DMD: variants seen among roughly 807,000 people sequenced by gnomAD.
DMD encodes mutant dystrophin.
In DMD, 63 loss-of-function variants were observed where a neutral mutation model predicts 330.1. The observed-to-expected ratio is 0.19, with a 90% CI of 0.16 to 0.24. The LOEUF is 0.24. Ranked by LOEUF, DMD falls within the 10% of genes least tolerant of loss-of-function variation. The probability of loss-of-function intolerance (pLI) is 1.00; values close to 1 mark genes in which losing one functional copy is unlikely to be tolerated. For synonymous variants in DMD, 1,223 were observed against 959.8 expected, an observed-to-expected ratio of 1.27 and a Z score of -5.07; for missense variants, 3,344 against 2,684.1, an observed-to-expected ratio of 1.25 and a Z score of -5.43.
intron 44 of DMD, among the ~76,000 whole-genome samples, chrX:32,207,334 C>A (rs1042131926): frequency 1.3e-4 from 15 of 111,231 alleles, no homozygotes; most frequent in Non-Finnish European, 2.1e-4. Context: ...GCCCTCTAAT[C>A]GTCCATCATG....
chrX:31,913,709 G>C (rs894975766), intron 47 of DMD, among the ~76,000 whole-genome samples: 13 of 107,837 alleles, frequency 1.2e-4, no homozygotes, highest in African/African-American at 4.5e-4. Flanking sequence ...CATTCCAGAG[G>C]AAGATTTTGA....
chrX:32,531,007 C>T (rs967737978), intron 17 of DMD, among the ~76,000 whole-genome samples: 1 of 111,725 alleles, frequency 9.0e-6, no homozygotes, highest in Non-Finnish European at 1.9e-5. Context: ...CACTAGAGGG[C>T]GCACATTCCC....
chrX:32,388,554 T>A lies in DMD; in HGVS notation c.4518+947A>T, dbSNP rs781697638. Among the ~76,000 whole-genome samples, 5 of 110,038 alleles carry A rather than the reference T, an allele frequency of 4.5e-5. No homozygotes were observed. In the East Asian group the frequency reaches 1.4e-3, roughly 31 times the overall value. ...ATACCTCATATTTTTCACACATAAA[T>A]ATATGTATTTATTTTAAGATATTTG... On this transcript the variant is annotated intron_variant, in intron 32 of 78. Coordinates refer to ENST00000357033, the MANE Select transcript of DMD (RefSeq NM_004006.3).
intron 12 of DMD, among the ~76,000 whole-genome samples, chrX:32,597,987 T>A (rs1602019440): frequency 8.9e-6 from 1 of 112,287 alleles, no homozygotes. Context: ...ACAACAGTGC[T>A]TAGCACCTAT....
chrX:32,804,325 G>A (rs2076799558), intron 7 of DMD, among the ~76,000 whole-genome samples: 1 of 112,067 alleles, frequency 8.9e-6, no homozygotes, highest in African/African-American at 3.2e-5. Context: ...TTGAGTAGGC[G>A]GTTTTCCCTC....
intron 1 of DMD, among the ~76,000 whole-genome samples, chrX:33,082,127 G>A (rs896920626): frequency 2.7e-5 from 3 of 111,238 alleles, no homozygotes; most frequent in African/African-American, 9.8e-5. Context: ...TCAGTCGGCT[G>A]AGAAGAAAAA....
intron 2 of DMD, among the ~76,000 whole-genome samples, chrX:32,948,145 CA>C (rs2090953228): frequency 9.1e-6 from 1 of 110,092 alleles, no homozygotes; most frequent in South Asian, 3.9e-4. Flanking sequence ...CACACACACA[CA>C]CACCAGGGAC....
intron 41 of DMD, among the ~76,000 whole-genome samples, chrX:32,327,651 T>C (rs1423500453): frequency 9.0e-6 from 1 of 111,432 alleles, no homozygotes; most frequent in Non-Finnish European, 1.9e-5. Flanking sequence ...ATCCAGATAG[T>C]TTCTCCTAAA....
rs150462744 is a variant in DMD, at chrX:31,209,670, C to T, written c.9391G>A (p.Asp3131Asn). The change falls in exon 65 of 79, where the codon GAT (aspartate) becomes AAT (asparagine). Residue 3131 changes from aspartate to asparagine, a missense_variant. Physicochemically the swap from Asp to Asn is conservative, Grantham distance 23. Coordinates refer to ENST00000357033, the MANE Select transcript of DMD (RefSeq NM_004006.3). ...TTGAGGTTGTGCTGGTCCAAGGCAT[C>T]ACATGCAGCTGACAGGCTCAAGAGA... The part of the protein sequence containing the change: ...LDLLSLSAAC[D>N]ALDQHNLKQN... 8.3e-7 allele frequency: 1 copy of T among 1,209,602 alleles called. No homozygotes were observed. Among genetic ancestry groups the T allele is most frequent in the African/African-American group, 1.8e-5 (1 of 57,042 alleles).
chrX:32,264,043 C>T (rs1157932715), intron 43 of DMD, among the ~76,000 whole-genome samples: 1 of 111,284 alleles, frequency 9.0e-6, no homozygotes, highest in Non-Finnish European at 1.9e-5. Flanking sequence ...TGGCTGTGTC[C>T]CCACCCAAAT....
At chrX:32,592,852 G>A (rs930454505) in intron 13 of DMD, among the ~76,000 whole-genome samples, 23 of 112,328 alleles carry the variant, frequency 2.0e-4, no homozygotes, top group African/African-American at 3.9e-4. Context: ...GTGCCACCGC[G>A]ATCCCCTGTC....
intron 1 of DMD, among the ~76,000 whole-genome samples, chrX:33,304,114 G>T (rs191785483): frequency 9.1e-6 from 1 of 110,219 alleles, no homozygotes; most frequent in Non-Finnish European, 1.9e-5. Flanking sequence ...TGCTTGTAAC[G>T]GTCACCAATA....
chrX:31,619,129 CATG>C (rs757304949), intron 55 of DMD, among the ~76,000 whole-genome samples: 5 of 111,334 alleles, frequency 4.5e-5, no homozygotes, highest in East Asian at 2.8e-4. Context: ...TTGAAAAATA[CATG>C]ATGACTTTAA....
intron 61 of DMD, among the ~76,000 whole-genome samples, chrX:31,331,423 G>A (rs1395011649): frequency 2.8e-5 from 3 of 108,722 alleles, no homozygotes; most frequent in African/African-American, 6.7e-5. Flanking sequence ...AAAGTTGGGC[G>A]GCATTACTCA....
chrX:33,288,404 T>C (rs1388310561), intron 1 of DMD, among the ~76,000 whole-genome samples: 1 of 111,296 alleles, frequency 9.0e-6, no homozygotes, highest in Non-Finnish European at 1.9e-5. Context: ...CCTTATTGTA[T>C]AGATAAACAC....
At chrX:32,831,099 C>T (rs770897916) in intron 4 of DMD, among the ~76,000 whole-genome samples, 9 of 110,494 alleles carry the variant, frequency 8.1e-5, no homozygotes, top group Non-Finnish European at 1.5e-4. Context: ...AATATATAAT[C>T]ATTTCAGGGA....
chrX:32,221,660 G>A (rs931848599), intron 43 of DMD, among the ~76,000 whole-genome samples: 59 of 111,441 alleles, frequency 5.3e-4, no homozygotes, highest in African/African-American at 1.8e-3. Context: ...TGTCACCCAA[G>A]TAGTGTACAT....
chrX:33,265,933 G>T (rs750359168), intron 1 of DMD, among the ~76,000 whole-genome samples: 5 of 111,375 alleles, frequency 4.5e-5, no homozygotes, highest in Non-Finnish European at 9.4e-5. Flanking sequence ...TTCCAGATAA[G>T]AAGACCCTTG....
chrX:33,148,875 A>AT (rs763961660), intron 1 of DMD, among the ~76,000 whole-genome samples: 6 of 110,818 alleles, frequency 5.4e-5, no homozygotes, highest in Non-Finnish European at 7.5e-5. Context: ...ATAGCTGCGA[A>AT]TTTTTTTGAC....
Sources: allele counts gnomAD v4.1 joint callset (sites outside exome capture counted in the v4.1 genomes callset), GRCh38; gene constraint gnomAD v4.1.1; transcripts MANE v1.5; gene names NCBI Gene and HGNC (gene_info 2026-07-23, HGNC 2026-07-21).